The following KCNIP4 variants were observed in gnomAD, a reference collection of about 807,000 sequenced individuals.
KCNIP4 encodes Kv channel-interacting protein 4.
In KCNIP4, 12 loss-of-function variants were observed where a neutral mutation model predicts 34.0. That is an observed-to-expected ratio of 0.35 (90% CI 0.23 to 0.57). KCNIP4 has a LOEUF of 0.57. Among genes scored for constraint, KCNIP4 ranks in the 20% least tolerant of loss-of-function variants. KCNIP4 has a pLI of 0.83. For missense variants in KCNIP4, 238 were observed against 311.7 expected (o/e 0.76, Z 1.78); for synonymous variants, 124 against 102.2 (o/e 1.21, Z -1.29).
intron 1 of KCNIP4, among the ~76,000 whole-genome samples, chr4:21,911,411 A>G (rs1340069217): frequency 6.6e-6 from 1 of 151,896 alleles, no homozygotes; most frequent in Non-Finnish European, 1.5e-5. Context: ...AGTACTTCCT[A>G]ACATCTATGT....
At chr4:21,625,391 T>C (rs1745254606) in intron 1 of KCNIP4, among the ~76,000 whole-genome samples, 1 of 152,104 alleles carries the variant, frequency 6.6e-6, no homozygotes, top group Non-Finnish European at 1.5e-5. Flanking sequence ...ATTTGTAAAA[T>C]TGAGGGCAGT....
At chr4:21,144,771 C>T (rs2109223207) in intron 1 of KCNIP4, among the ~76,000 whole-genome samples, 1 of 152,074 alleles carries the variant, frequency 6.6e-6, no homozygotes. Context: ...CATTTTTGTC[C>T]TTTCATTTCC....
chr4:21,212,207 T>A (rs1021832937), intron 1 of KCNIP4, among the ~76,000 whole-genome samples: 3 of 152,204 alleles, frequency 2.0e-5, no homozygotes, highest in Non-Finnish European at 2.9e-5. Flanking sequence ...AGAAAGAAAC[T>A]GCACTATGAG....
chr4:21,450,190 C>T (rs937815981), intron 1 of KCNIP4, among the ~76,000 whole-genome samples: 2 of 152,106 alleles, frequency 1.3e-5, no homozygotes, highest in African/African-American at 4.8e-5. Context: ...TCTCATTATA[C>T]AAACCTGGAG....
At chr4:21,540,965 G>A (rs1737635170) in intron 1 of KCNIP4, among the ~76,000 whole-genome samples, 1 of 152,032 alleles carries the variant, frequency 6.6e-6, no homozygotes, top group Non-Finnish European at 1.5e-5. Flanking sequence ...GAGGTCAGGG[G>A]TTTGAGACCA....
chr4:21,396,567 A>AAAAAAAAAAAAG, intron 1 of KCNIP4, among the ~76,000 whole-genome samples: 1 of 150,952 alleles, frequency 6.6e-6, no homozygotes, highest in South Asian at 2.1e-4. Context: ...AAAAAAAAAA[A>AAAAAAAAAAAAG]AGAGGATTCT....
chr4:21,240,811 A>G (rs1759756402), intron 1 of KCNIP4, among the ~76,000 whole-genome samples: 1 of 152,250 alleles, frequency 6.6e-6, no homozygotes, highest in African/African-American at 2.4e-5. Context: ...ATAGGCAGCC[A>G]TGCCTCAGAA....
chr4:21,357,637 T>G (rs992054589), intron 1 of KCNIP4, among the ~76,000 whole-genome samples: 1 of 152,058 alleles, frequency 6.6e-6, no homozygotes, highest in African/African-American at 2.4e-5. Flanking sequence ...TCATACCAAT[T>G]AGAATGGTGA....
chr4:21,876,527 T>C (rs577487541), intron 1 of KCNIP4, among the ~76,000 whole-genome samples: 15 of 152,276 alleles, frequency 9.9e-5, no homozygotes, highest in East Asian at 1.9e-4. Flanking sequence ...AGACTCCCTT[T>C]CTCCAAGACT....
At chr4:21,737,544 T>TA (rs1716076029) in intron 1 of KCNIP4, among the ~76,000 whole-genome samples, 1 of 152,174 alleles carries the variant, frequency 6.6e-6, no homozygotes, top group South Asian at 2.1e-4. Context: ...TATTAACGGC[T>TA]ACACAGCTGT....
chr4:21,461,455 A>T (rs1729458214), intron 1 of KCNIP4, among the ~76,000 whole-genome samples: 1 of 151,894 alleles, frequency 6.6e-6, no homozygotes, highest in Non-Finnish European at 1.5e-5. Context: ...TTTTCTAGTA[A>T]TTCATCTTTA....
intron 1 of KCNIP4, among the ~76,000 whole-genome samples, chr4:21,523,256 A>G (rs2108955253): frequency 6.6e-6 from 1 of 152,206 alleles, no homozygotes; most frequent in East Asian, 1.9e-4. Flanking sequence ...TAAGACACCT[A>G]TGGTCTTTAT....
intron 1 of KCNIP4, among the ~76,000 whole-genome samples, chr4:21,285,051 A>G (rs948781838): frequency 4.6e-5 from 7 of 152,206 alleles, no homozygotes; most frequent in Non-Finnish European, 1.0e-4. Context: ...ATACACACAC[A>G]TAAATGTACA....
At chr4:21,050,367 C>T (rs1742815027) in intron 1 of KCNIP4, among the ~76,000 whole-genome samples, 1 of 151,888 alleles carries the variant, frequency 6.6e-6, no homozygotes, top group East Asian at 1.9e-4. Context: ...AAATTTATCC[C>T]CCTGTTCCAT....
At chr4:21,021,509 T>C (rs1740031011) in intron 1 of KCNIP4, among the ~76,000 whole-genome samples, 1 of 152,302 alleles carries the variant, frequency 6.6e-6, no homozygotes, top group African/African-American at 2.4e-5. Flanking sequence ...ATTGTATAGT[T>C]GTACAAAAAT....
chr4:21,696,048 T>C (rs1712275903), intron 1 of KCNIP4, among the ~76,000 whole-genome samples: 2 of 152,114 alleles, frequency 1.3e-5, no homozygotes, highest in Admixed American at 1.3e-4. Context: ...TCTCAATGAT[T>C]ATTCCTTAAA....
chr4:21,060,038 A>G (rs1201197121), intron 1 of KCNIP4, among the ~76,000 whole-genome samples: 1 of 152,154 alleles, frequency 6.6e-6, no homozygotes, highest in Admixed American at 6.6e-5. Flanking sequence ...TATACCTAAA[A>G]AGATTGGAGA....
At chr4:21,291,409 A>T (rs1040733303) in intron 1 of KCNIP4, among the ~76,000 whole-genome samples, 5 of 128,896 alleles carry the variant, frequency 3.9e-5, no homozygotes, top group Admixed American at 3.0e-4. Flanking sequence ...TATAAACCTC[A>T]CTGATCTTAA....
At chr4:20,856,111 T>G (rs975813901) in intron 2 of KCNIP4, among the ~76,000 whole-genome samples, 3 of 152,182 alleles carry the variant, frequency 2.0e-5, no homozygotes, top group African/African-American at 4.8e-5. Context: ...GAAAAGATGA[T>G]GGAAAATGTT....
Sources: gnomAD v4.1 joint callset for allele counts (sites outside exome capture counted in the v4.1 genomes callset) on GRCh38, gnomAD v4.1.1 for gene constraint, MANE v1.5 for transcripts, NCBI Gene and HGNC (gene_info 2026-07-23, HGNC 2026-07-21) for gene names.